CDH13: variants seen among roughly 807,000 people sequenced by gnomAD.
The protein encoded by CDH13 is cadherin 13.
Under a neutral mutation model 63.8 loss-of-function variants are expected in CDH13, and 24 were observed. The observed-to-expected ratio is 0.38, with a 90% CI of 0.27 to 0.53. The LOEUF is 0.53. CDH13 is among the 20% of genes least tolerant of loss of function. The probability of loss-of-function intolerance (pLI) is 0.85; values close to 1 mark genes in which losing one functional copy is unlikely to be tolerated. For missense variants in CDH13, 1,049 were observed against 903.1 expected (o/e 1.16, Z -2.07); for synonymous variants, 503 against 355.3 (o/e 1.42, Z -4.67).
At position 83,336,184 on chromosome 16, in the gene CDH13, G is replaced by A. The variant is rs931974806; in HGVS notation, c.637-8678G>A. Among the ~76,000 whole-genome samples, 10 of 151,530 alleles carry A rather than the reference G, an allele frequency of 6.6e-5. No individual in the cohort carries two copies. The South Asian group carries it at 1.7e-3, about 25-fold the overall frequency. ...GGGGTAGTGGTACATATCTGTAATC[G>A]CAGCTACTCAGGAGGCTGAGACAGG... On this transcript the variant is annotated intron_variant, in intron 5 of 13. Coordinates refer to ENST00000567109, the MANE Select transcript of CDH13 (RefSeq NM_001257.5).
chr16:82,767,502 T>G (rs1357491528), intron 1 of CDH13, among the ~76,000 whole-genome samples: 1 of 152,242 alleles, frequency 6.6e-6, no homozygotes, highest in African/African-American at 2.4e-5. Flanking sequence ...ACAAATATTT[T>G]TGTGTTTGTA....
intron 3 of CDH13, among the ~76,000 whole-genome samples, chr16:83,061,066 A>G (rs1294045914): frequency 6.6e-6 from 1 of 152,198 alleles, no homozygotes; most frequent in Non-Finnish European, 1.5e-5. Context: ...TACGGGGACT[A>G]AGGTATTGCG....
chr16:82,786,043 T>A (rs1173258695), intron 1 of CDH13, among the ~76,000 whole-genome samples: 1 of 152,156 alleles, frequency 6.6e-6, no homozygotes, highest in African/African-American at 2.4e-5. Context: ...GTGAGTGCTT[T>A]GGCAGGAGTC....
At chr16:82,677,365 C>T (rs951497613) in intron 1 of CDH13, among the ~76,000 whole-genome samples, 2 of 151,626 alleles carry the variant, frequency 1.3e-5, no homozygotes, top group South Asian at 2.1e-4. Flanking sequence ...TTTACAATTC[C>T]CATTTATTTA....
In CDH13 at chr16:83,130,513, A is replaced by C. The variant is rs151144475; in HGVS notation, c.483+5012A>C. Among the ~76,000 whole-genome samples, 69 of 152,344 alleles carry C rather than the reference A, an allele frequency of 4.5e-4. 2 individuals carry two copies. In the East Asian group the frequency reaches 0.01, roughly 22 times the overall value. On this transcript the variant is annotated intron_variant, in intron 4 of 13. Transcript: ENST00000567109. Reference sequence around the variant, plus strand: ...CAATGCACTCAAAAATAAGGTGGACAGAGGGTTGGATCAATAGATCGATAT... The same window carrying C: ...CAATGCACTCAAAAATAAGGTGGACCGAGGGTTGGATCAATAGATCGATAT...
intron 5 of CDH13, among the ~76,000 whole-genome samples, chr16:83,324,209 G>C (rs2090307537): frequency 6.6e-6 from 1 of 151,966 alleles, no homozygotes; most frequent in Non-Finnish European, 1.5e-5. Flanking sequence ...ACTAATTTTT[G>C]TGTTTTCAAT....
At chr16:83,084,757 C>T (rs2033473772) in intron 3 of CDH13, among the ~76,000 whole-genome samples, 1 of 152,080 alleles carries the variant, frequency 6.6e-6, no homozygotes, top group African/African-American at 2.4e-5. Flanking sequence ...GGTGTGGTGG[C>T]AGCACCTGTA....
chr16:83,160,534 G>T (rs765829849), intron 4 of CDH13, among the ~76,000 whole-genome samples: 1 of 152,106 alleles, frequency 6.6e-6, no homozygotes, highest in African/African-American at 2.4e-5. Flanking sequence ...ACGTATGGAC[G>T]TAGATCAAAG....
chr16:83,367,173 A>G (rs951713054), intron 6 of CDH13, among the ~76,000 whole-genome samples: 2 of 152,072 alleles, frequency 1.3e-5, no homozygotes, highest in African/African-American at 4.8e-5. Flanking sequence ...TCCACTTTCT[A>G]CCTCCATGGA....
chr16:82,841,443 A>C (rs940774226), intron 1 of CDH13, among the ~76,000 whole-genome samples: 1 of 152,194 alleles, frequency 6.6e-6, no homozygotes, highest in Non-Finnish European at 1.5e-5. Context: ...ATTATCCTGT[A>C]GTTTAGCAAA....
At chr16:82,867,060 G>C (rs1688918426) in intron 2 of CDH13, among the ~76,000 whole-genome samples, 1 of 152,206 alleles carries the variant, frequency 6.6e-6, no homozygotes, top group African/African-American at 2.4e-5. Context: ...GACAGTTACT[G>C]TGTGCTCCCT....
chr16:83,354,121 G>C (rs77254743), intron 6 of CDH13, among the ~76,000 whole-genome samples: 6 of 152,194 alleles, frequency 3.9e-5, no homozygotes, highest in Admixed American at 1.3e-4. Context: ...GGAATTTCTA[G>C]CGAAAATGAA....
Position 83,091,865 on chromosome 16 carries a change from C to T in CDH13, c.367-33520C>T, listed in dbSNP as rs575760056. On this transcript the variant is annotated intron_variant, in intron 3 of 13. Transcript: ENST00000567109. ...AGATCTAGAAAAAGAAATCTTTACTCCAAAGGGTTTGAAGCAGTGATTCAT... is the reference window on the plus strand; with the variant it reads ...AGATCTAGAAAAAGAAATCTTTACTTCAAAGGGTTTGAAGCAGTGATTCAT... Among the ~76,000 whole-genome samples the T allele has an allele frequency of 1.2e-4, 18 of 152,218 alleles. No homozygotes were observed. The South Asian group carries it at 3.7e-3, about 32-fold the overall frequency.
chr16:82,938,508 C>G (rs1597252439), intron 2 of CDH13, among the ~76,000 whole-genome samples: 2 of 152,154 alleles, frequency 1.3e-5, no homozygotes. Context: ...GTATTAGAAA[C>G]ATGTCTCAGC....
At chr16:83,389,698 A>G (rs1244550485) in intron 6 of CDH13, among the ~76,000 whole-genome samples, 1 of 152,124 alleles carries the variant, frequency 6.6e-6, no homozygotes, top group Non-Finnish European at 1.5e-5. Flanking sequence ...ATTCTCTTTA[A>G]TGCATTTTCC....
intron 5 of CDH13, among the ~76,000 whole-genome samples, chr16:83,325,667 T>C (rs1201839615): frequency 6.6e-6 from 1 of 152,188 alleles, no homozygotes. Context: ...TAGAGTATTT[T>C]GATACTTGAT....
intron 3 of CDH13, among the ~76,000 whole-genome samples, chr16:83,052,754 G>A (rs1249668696): frequency 2.2e-5 from 3 of 137,360 alleles, no homozygotes; most frequent in Admixed American, 1.6e-4. Flanking sequence ...TCCAGCCTGG[G>A]TGACAGGGCG....
In CDH13 at chr16:83,799,686, G is replaced by C. The variant is rs1904305433; in HGVS notation, c.*4656G>C. 1 of 152,148 alleles carries C rather than the reference G, an allele frequency of 6.6e-6. No individual in the cohort carries two copies. The highest frequency in any genetic ancestry group is 1.5e-5 in the Non-Finnish European group (1 of 68,050). The allele number at this position is 152,148 out of a possible 1,614,324, so 9.4% of individuals were successfully genotyped here. A position where few individuals can be genotyped will look rare whatever the true frequency, so the allele number is the denominator to read the frequency against. On this transcript the variant is annotated 3_prime_UTR_variant, in exon 14 of 14. Coordinates refer to ENST00000567109, the MANE Select transcript of CDH13 (RefSeq NM_001257.5). ...CTCCATCTTCTCTCCTTAACTGACT[G>C]TTGAGATTTGATAATTTTCACAGTC... is the stretch of plus-strand genomic sequence containing the variant.
intron 4 of CDH13, among the ~76,000 whole-genome samples, chr16:83,142,170 T>TTTG (rs1567871386): frequency 6.7e-6 from 1 of 150,046 alleles, no homozygotes; most frequent in East Asian, 2.0e-4. Flanking sequence ...GTTTTTTTTT[T>TTTG]TTTTTTTTTG....
Sources: gnomAD v4.1 joint callset for allele counts (sites outside exome capture counted in the v4.1 genomes callset) on GRCh38, gnomAD v4.1.1 for gene constraint, MANE v1.5 for transcripts, NCBI Gene and HGNC (gene_info 2026-07-23, HGNC 2026-07-21) for gene names.